Variants in EGFLAM observed in about 807,000 individuals in gnomAD.
The protein encoded by EGFLAM is EGF like, fibronectin type III and laminin G domains.
In EGFLAM, 79 loss-of-function variants were observed where a neutral mutation model predicts 113.1. That is an observed-to-expected ratio of 0.70 (90% CI 0.58 to 0.84). The LOEUF is 0.84. Ranked by LOEUF, EGFLAM falls within the 40% of genes least tolerant of loss-of-function variation. EGFLAM has a pLI of 0.00. For synonymous variants in EGFLAM, 504 were observed against 487.6 expected (o/e 1.03, Z -0.44); for missense variants, 1,265 against 1,291.6 (o/e 0.98, Z 0.32).
intron 6 of EGFLAM, among the ~76,000 whole-genome samples, chr5:38,397,797 A>G (rs902307169): frequency 1.3e-5 from 2 of 151,422 alleles, no homozygotes; most frequent in Non-Finnish European, 2.9e-5. Context: ...CCCCCACCCC[A>G]TGAGCAAAGG....
At chr5:38,360,083 A>G (rs1158970463) in intron 5 of EGFLAM, among the ~76,000 whole-genome samples, 1 of 152,244 alleles carries the variant, frequency 6.6e-6, no homozygotes, top group African/African-American at 2.4e-5. Context: ...CATATTCTGT[A>G]AGTAACAAAG....
rs1179287891 is a variant in EGFLAM at position 38,406,217 on chromosome 5, A to G, written c.804A>G (p.Leu268=). Residue 268 remains leucine (L), a synonymous_variant, in exon 7 of 22, where the codon TTA becomes TTG. Transcript: ENST00000322350. ...GEDDEGFEDD[L]DLDISFEEVK... The stretch of plus-strand genomic sequence containing the variant: ...ATGATGAAGGATTTGAAGACGACTT[A>G]GATTTGGATATTTCCTTTGAGGAGG... 2.7e-5 allele frequency: 43 copies of G among 1,614,154 alleles called. No homozygotes were observed. In the East Asian group the frequency reaches 9.6e-4, roughly 36 times the overall value.
chr5:38,415,982 C>T (rs951265548), intron 11 of EGFLAM, among the ~76,000 whole-genome samples: 16 of 152,064 alleles, frequency 1.1e-4, no homozygotes, highest in East Asian at 3.9e-4. Flanking sequence ...GTCCCTCCCA[C>T]GACCCGTGGG....
intron 1 of EGFLAM, among the ~76,000 whole-genome samples, chr5:38,299,864 G>A (rs1198900831): frequency 6.6e-6 from 1 of 152,100 alleles, no homozygotes. Flanking sequence ...TGTATTTATT[G>A]AGCATGTATT....
intron 10 of EGFLAM, among the ~76,000 whole-genome samples, chr5:38,409,315 C>G (rs1210629898): frequency 6.6e-6 from 1 of 152,178 alleles, no homozygotes; most frequent in East Asian, 1.9e-4. Context: ...ATCATTCATT[C>G]ATTCAGCAGC....
At chr5:38,362,820 G>A (rs1218161139) in intron 5 of EGFLAM, among the ~76,000 whole-genome samples, 6 of 152,166 alleles carry the variant, frequency 3.9e-5, no homozygotes, top group Admixed American at 3.3e-4. Flanking sequence ...AAAGAAGTCC[G>A]ACCTGTAGTT....
At position 38,438,354 on chromosome 5, in the gene EGFLAM, G is replaced by A. The variant is rs775571935; in HGVS notation, c.2363G>A (p.Cys788Tyr). The A allele has an allele frequency of 1.9e-6, 3 of 1,614,010 alleles. No individual in the cohort carries two copies. The highest frequency in any genetic ancestry group is 2.5e-6 in the Non-Finnish European group (3 of 1,180,024). The change falls in exon 17 of 22, where the codon TGT becomes TAT. Residue 788 changes from cysteine (C) to tyrosine (Y), a missense_variant. Coordinates refer to ENST00000322350, the MANE Select transcript of EGFLAM (RefSeq NM_152403.4). ...GVNVENAAHP[C>Y]VRAPCAHGGS... ...AATGTGGAGAATGCGGCCCACCCCT[G>A]TGTGAGAGCCCCTTGTGCCCATGGG...
intron 5 of EGFLAM, among the ~76,000 whole-genome samples, chr5:38,363,953 T>A (rs1486205529): frequency 6.6e-6 from 1 of 152,154 alleles, no homozygotes; most frequent in Admixed American, 6.5e-5. Context: ...CCTAAATGGG[T>A]GAGGTTAAAC....
At chr5:38,409,238 T>A (rs1415394809) in intron 10 of EGFLAM, 134 bp downstream of exon 10, 10 of 744,866 alleles carry the variant, frequency 1.3e-5, no homozygotes, top group Non-Finnish European at 2.1e-5. Context: ...AAAATGAGTA[T>A]GAACCAGTTT....
intron 11 of EGFLAM, among the ~76,000 whole-genome samples, chr5:38,413,108 A>G (rs1741536020): frequency 6.7e-6 from 1 of 150,050 alleles, no homozygotes; most frequent in Admixed American, 6.6e-5. Context: ...TGCAGCCTCT[A>G]CCTCCCTGGT....
Position 38,304,376 on chromosome 5 carries a change from A to C in EGFLAM, c.98-33144A>C, listed in dbSNP as rs74830981. Among the ~76,000 whole-genome samples, 1,493 of 152,294 alleles carry C rather than the reference A, an allele frequency of 9.8e-3. 17 individuals carry two copies. Among genetic ancestry groups the C allele is most frequent in the East Asian group, 0.048 (247 of 5,174 alleles). On this transcript the variant is annotated intron_variant, in intron 1 of 21. Coordinates refer to ENST00000322350, the MANE Select transcript of EGFLAM (RefSeq NM_152403.4). ...ATCCCCTCCCTCTTCCCAAAAGACT[A>C]GTTAAAAGCAAAAGGTCTGTGAACA...
At chr5:38,320,669 A>G (rs1738715721) in intron 1 of EGFLAM, among the ~76,000 whole-genome samples, 2 of 151,948 alleles carry the variant, frequency 1.3e-5, no homozygotes, top group South Asian at 4.2e-4. Context: ...GTGGGTGGAG[A>G]TGCATAGCTT....
At position 38,258,640 on chromosome 5, in the gene EGFLAM, A is replaced by G. The variant is rs1757411281; in HGVS notation, c.-115A>G. 1.6e-5 allele frequency: 19 copies of G among 1,220,866 alleles called. 1 individual carries two copies. The South Asian group carries it at 2.5e-4, about 16-fold the overall frequency. The allele number at this position is 1,220,866 out of a possible 1,614,324, so 75.6% of individuals were successfully genotyped here. On this transcript the variant is annotated 5_prime_UTR_variant, in exon 1 of 22. Coordinates refer to ENST00000322350, the MANE Select transcript of EGFLAM (RefSeq NM_152403.4). Reference sequence around the variant, plus strand: ...CCGGGCCCAGCCCTCGCAGCCCCCCACCTCCTCGCCCCGGCCCGGGGATCC... The same window carrying G: ...CCGGGCCCAGCCCTCGCAGCCCCCCGCCTCCTCGCCCCGGCCCGGGGATCC...
In EGFLAM at chr5:38,344,557, A is replaced by G. The variant is rs566529672; in HGVS notation, c.291+5776A>G. ...ACATGGTAACCCAGGTTGCTTTTGT[A>G]TATTGTGTCATGTATTTGATAGATA... On this transcript the variant is annotated intron_variant, in intron 3 of 21. Coordinates refer to ENST00000322350, the MANE Select transcript of EGFLAM (RefSeq NM_152403.4). Among the ~76,000 whole-genome samples the G allele has an allele frequency of 1.2e-3, 178 of 151,970 alleles. 1 individual carries two copies. Among genetic ancestry groups the G allele is most frequent in the African/African-American group, 4.1e-3 (171 of 41,456 alleles).
intron 6 of EGFLAM, among the ~76,000 whole-genome samples, chr5:38,379,523 G>A (rs1002532904): frequency 2.0e-5 from 3 of 152,046 alleles, no homozygotes; most frequent in African/African-American, 7.2e-5. Context: ...ATGAGATTCC[G>A]GGGAGGGGAT....
intron 6 of EGFLAM, among the ~76,000 whole-genome samples, chr5:38,376,514 G>T (rs1740368987): frequency 6.6e-6 from 1 of 152,172 alleles, no homozygotes; most frequent in Non-Finnish European, 1.5e-5. Flanking sequence ...GTTCCTAGTA[G>T]ATGGTACTGT....
Position 38,393,861 on chromosome 5 carries a change from C to T in EGFLAM, c.713-12265C>T, listed in dbSNP as rs535353004. The stretch of plus-strand genomic sequence containing the variant: ...GAGGGTCAGGGTGGCGGCCCCGGCC[C>T]TCTCGGCACCCGGGTTCTTGTCCGG... On this transcript the variant is annotated intron_variant, in intron 6 of 21. Transcript: ENST00000322350. Among the ~76,000 whole-genome samples, 11 of 152,346 alleles carry T rather than the reference C, an allele frequency of 7.2e-5. No individual in the cohort carries two copies. The South Asian group carries it at 2.3e-3, about 32-fold the overall frequency.
At chr5:38,435,928 C>T (rs775820080) in intron 16 of EGFLAM, among the ~76,000 whole-genome samples, 2 of 150,684 alleles carry the variant, frequency 1.3e-5, no homozygotes, top group Non-Finnish European at 2.9e-5. Flanking sequence ...AGCGATTCTC[C>T]TGCCTTAGCC....
intron 18 of EGFLAM, 70 bp from the exon 19 acceptor site, chr5:38,451,245 C>A: frequency 6.3e-7 from 1 of 1,575,496 alleles, no homozygotes; most frequent in Non-Finnish European, 8.6e-7. Context: ...GGCTGGCAGA[C>A]AAAACTGGAA....
Sources: allele counts gnomAD v4.1 joint callset (sites outside exome capture counted in the v4.1 genomes callset), GRCh38; gene constraint gnomAD v4.1.1; transcripts MANE v1.5; gene names NCBI Gene and HGNC (gene_info 2026-07-23, HGNC 2026-07-21).